The following HPSE2 variants were observed in gnomAD, a reference collection of about 807,000 sequenced individuals.
HPSE2 encodes inactive heparanase-2.
Under a neutral mutation model 60.5 loss-of-function variants are expected in HPSE2, and 38 were observed. That is an observed-to-expected ratio of 0.63 (90% CI 0.48 to 0.82). The LOEUF (loss-of-function observed/expected upper bound fraction) is 0.82, where lower values mean the gene tolerates loss of function less well. HPSE2 is among the 40% of genes least tolerant of loss of function. The pLI, the probability that HPSE2 is intolerant of heterozygous loss-of-function variation, is 0.00. For synonymous variants in HPSE2, 295 were observed against 293.2 expected (o/e 1.01, Z -0.06); for missense variants, 713 against 740.4 (o/e 0.96, Z 0.43).
chr10:98,540,971 G>A (rs1943438937), intron 9 of HPSE2, among the ~76,000 whole-genome samples: 1 of 152,082 alleles, frequency 6.6e-6, no homozygotes, highest in African/African-American at 2.4e-5. Context: ...AAGAGAAATA[G>A]CTTTTCTTTT....
intron 6 of HPSE2, among the ~76,000 whole-genome samples, chr10:98,669,408 G>A (rs1183262043): frequency 6.6e-6 from 1 of 152,040 alleles, no homozygotes; most frequent in Non-Finnish European, 1.5e-5. Flanking sequence ...AAAATAAATC[G>A]TTCTACCAAA....
Position 98,743,870 on chromosome 10 carries a change from C to T in HPSE2, c.784+13G>A, listed in dbSNP as rs1215583817. The T allele has an allele frequency of 1.2e-6, 2 of 1,606,536 alleles. No individual in the cohort carries two copies. Among genetic ancestry groups the T allele is most frequent in the Non-Finnish European group, 1.7e-6 (2 of 1,173,044 alleles). ...TATTTTGTCAATTCAGAGGAAGTAA[C>T]ATCCTTACTTACCATTACCCAGTTC... is the stretch of plus-strand genomic sequence containing the variant. On this transcript the variant is annotated intron_variant, in intron 4 of 11. Transcript: ENST00000370552.
At chr10:98,537,179 G>A (rs138695866) in intron 9 of HPSE2, among the ~76,000 whole-genome samples, 88 of 152,290 alleles carry the variant, frequency 5.8e-4, no homozygotes, top group African/African-American at 1.9e-3. Context: ...AGATAAGGAC[G>A]TTAGAGAAGA....
chr10:98,793,241 C>T (rs1482047687), intron 3 of HPSE2, among the ~76,000 whole-genome samples: 2 of 152,200 alleles, frequency 1.3e-5, no homozygotes, highest in African/African-American at 4.8e-5. Flanking sequence ...AGGTTCTTGG[C>T]TTTAGGTAGC....
intron 4 of HPSE2, among the ~76,000 whole-genome samples, chr10:98,730,487 T>C (rs1161858540): frequency 2.6e-5 from 4 of 151,748 alleles, no homozygotes; most frequent in African/African-American, 9.7e-5. Context: ...AGAGTAGATA[T>C]CAATGATATT....
At chr10:98,581,431 A>C (rs116914012) in intron 9 of HPSE2, among the ~76,000 whole-genome samples, 76 of 152,276 alleles carry the variant, frequency 5.0e-4, no homozygotes, top group East Asian at 4.2e-3. Flanking sequence ...TTTGATAAAA[A>C]TTTACCTTTG....
chr10:98,576,895 G>T (rs1944656056), intron 9 of HPSE2, among the ~76,000 whole-genome samples: 1 of 150,978 alleles, frequency 6.6e-6, no homozygotes, highest in South Asian at 2.1e-4. Flanking sequence ...TATTCACATG[G>T]TTAAAAAAAA....
intron 2 of HPSE2, among the ~76,000 whole-genome samples, chr10:99,216,054 C>CT (rs1223243174): frequency 5.9e-5 from 9 of 152,204 alleles, no homozygotes; most frequent in South Asian, 2.1e-4. Context: ...GAAGAAAATA[C>CT]GTTTAATCTA....
intron 2 of HPSE2, among the ~76,000 whole-genome samples, chr10:99,203,386 T>A (rs1329773376): frequency 2.6e-5 from 4 of 151,624 alleles, no homozygotes; most frequent in Middle Eastern, 3.4e-3. Flanking sequence ...ACCTGGCCAG[T>A]CCCTGTGGTC....
the HPSE2 span, among the ~76,000 whole-genome samples, chr10:99,249,304 GC>G: frequency 6.6e-6 from 1 of 152,258 alleles, no homozygotes; most frequent in Non-Finnish European, 1.5e-5. Flanking sequence ...GGCCTTGGGA[GC>G]CCAACCCTTG....
intron 3 of HPSE2, among the ~76,000 whole-genome samples, chr10:98,819,049 G>A (rs1449515688): frequency 6.6e-6 from 1 of 152,168 alleles, no homozygotes; most frequent in African/African-American, 2.4e-5. Flanking sequence ...TGTTAAAGGA[G>A]TCTGCCACTA....
intron 3 of HPSE2, among the ~76,000 whole-genome samples, chr10:98,882,632 T>C (rs373555015): frequency 3.3e-5 from 5 of 152,106 alleles, no homozygotes; most frequent in African/African-American, 7.2e-5. Context: ...TAACATTCCA[T>C]TGGGTAGAGC....
chr10:98,537,588 T>C lies in HPSE2; in HGVS notation c.1321-47392A>G, dbSNP rs148483400. On this transcript the variant is annotated intron_variant, in intron 9 of 11. Coordinates refer to ENST00000370552, the MANE Select transcript of HPSE2 (RefSeq NM_021828.5). ...TATAGGGTCAGGTGCTGAAGGGGCA[T>C]TGTGAGAAGTGACCTAGAAGGCAAC... is the stretch of plus-strand genomic sequence containing the variant. Among the ~76,000 whole-genome samples the C allele has an allele frequency of 3.5e-3, 529 of 152,296 alleles. 2 individuals carry two copies. Among genetic ancestry groups the C allele is most frequent in the African/African-American group, 0.012 (500 of 41,574 alleles).
intron 2 of HPSE2, among the ~76,000 whole-genome samples, chr10:99,185,629 C>T (rs112128165): frequency 6.6e-6 from 1 of 151,718 alleles, no homozygotes; most frequent in Non-Finnish European, 1.5e-5. Context: ...AAAAAATTAG[C>T]CGGGCGTAGT....
chr10:98,512,812 A>AACAAACACACACACACAC (rs1554924735), intron 9 of HPSE2, among the ~76,000 whole-genome samples: 1 of 124,546 alleles, frequency 8.0e-6, no homozygotes, highest in Non-Finnish European at 1.7e-5. Context: ...CCCACCCCCC[A>AACAAACACACACACACAC]ACACACACAC....
intron 6 of HPSE2, among the ~76,000 whole-genome samples, chr10:98,665,859 T>C (rs1016799124): frequency 2.0e-5 from 3 of 152,032 alleles, no homozygotes; most frequent in African/African-American, 7.2e-5. Context: ...ACAGACAATA[T>C]AAAGCAATTA....
chr10:99,258,029 T>C, the HPSE2 span, among the ~76,000 whole-genome samples: 1 of 151,854 alleles, frequency 6.6e-6, no homozygotes, highest in African/African-American at 2.4e-5. Context: ...TAGTCCCAGC[T>C]ACTTGGGAGG....
intron 3 of HPSE2, among the ~76,000 whole-genome samples, chr10:99,004,409 G>A (rs889566914): frequency 2.6e-5 from 4 of 151,508 alleles, no homozygotes; most frequent in Non-Finnish European, 4.4e-5. Context: ...TCTTACTTCT[G>A]ATCTTTGGTG....
chr10:98,849,150 T>C (rs962793682), intron 3 of HPSE2, among the ~76,000 whole-genome samples: 1 of 152,058 alleles, frequency 6.6e-6, no homozygotes, highest in African/African-American at 2.4e-5. Context: ...AAATCAACCA[T>C]CTAATGTAGA....
Sources: allele counts gnomAD v4.1 joint callset (sites outside exome capture counted in the v4.1 genomes callset), GRCh38; gene constraint gnomAD v4.1.1; transcripts MANE v1.5; gene names NCBI Gene and HGNC (gene_info 2026-07-23, HGNC 2026-07-21).